Variants in GRIN2B observed in about 807,000 individuals in gnomAD.
GRIN2B encodes glutamate receptor ionotropic, NMDA 2B.
In GRIN2B, 5 loss-of-function variants were observed where a neutral mutation model predicts 114.5. The observed-to-expected ratio is 0.04, with a 90% CI of 0.02 to 0.09. The LOEUF is 0.09. GRIN2B is among the 10% of genes least tolerant of loss of function. The probability of loss-of-function intolerance (pLI) is 1.00; values close to 1 mark genes in which losing one functional copy is unlikely to be tolerated. For missense variants in GRIN2B, 1,108 were observed against 1,943.5 expected, an observed-to-expected ratio of 0.57 and a Z score of 8.08; for synonymous variants, 787 against 745.1, an observed-to-expected ratio of 1.06 and a Z score of -0.92.
intron 3 of GRIN2B, among the ~76,000 whole-genome samples, chr12:13,850,326 GA>G (rs1311227953): frequency 2.0e-5 from 3 of 152,118 alleles, no homozygotes; most frequent in Non-Finnish European, 2.9e-5. Context: ...CCATGGTACA[GA>G]AAAAAATTCC....
intron 3 of GRIN2B, among the ~76,000 whole-genome samples, chr12:13,763,467 A>G (rs927336616): frequency 1.2e-4 from 18 of 152,190 alleles, no homozygotes; most frequent in Non-Finnish European, 2.5e-4. Context: ...CAGAGCCTCC[A>G]ACTACATTGG....
At chr12:13,943,273 C>G (rs750852111) in intron 2 of GRIN2B, among the ~76,000 whole-genome samples, 1 of 152,110 alleles carries the variant, frequency 6.6e-6, no homozygotes, top group Non-Finnish European at 1.5e-5. Flanking sequence ...AAGCATTTTG[C>G]CCAGTTACAA....
At chr12:13,842,338 T>C (rs1865392815) in intron 3 of GRIN2B, among the ~76,000 whole-genome samples, 1 of 152,226 alleles carries the variant, frequency 6.6e-6, no homozygotes, top group African/African-American at 2.4e-5. Context: ...TATGCATTAT[T>C]TTTCTTAGTC....
chr12:13,932,101 C>A (rs1407540786), intron 2 of GRIN2B, among the ~76,000 whole-genome samples: 1 of 152,150 alleles, frequency 6.6e-6, no homozygotes, highest in Non-Finnish European at 1.5e-5. Flanking sequence ...TGATTCAGTT[C>A]CTATCTATCT....
intron 2 of GRIN2B, among the ~76,000 whole-genome samples, chr12:13,903,060 C>T (rs547046978): frequency 5.0e-4 from 75 of 151,094 alleles, no homozygotes; most frequent in African/African-American, 1.8e-3. Flanking sequence ...GATTTCTTAC[C>T]TCTTTATTTC....
chr12:13,742,637 G>A (rs1317778841), intron 4 of GRIN2B, among the ~76,000 whole-genome samples: 1 of 152,048 alleles, frequency 6.6e-6, no homozygotes, highest in Non-Finnish European at 1.5e-5. Context: ...CACCATGTTG[G>A]CCAGGCTGGT....
rs1950014929 is a variant in GRIN2B at position 13,670,672 on chromosome 12, AC to A, written c.1125+5072del. ...CAGCTGTCCCCCACTTAGGAGCCTTACAAATGAGCCCAGTCTGCACACAATG... is the reference window on the plus strand; with the variant it reads ...CAGCTGTCCCCCACTTAGGAGCCTTAAAATGAGCCCAGTCTGCACACAATG... On this transcript the variant is annotated intron_variant, in intron 5 of 13. Coordinates refer to ENST00000609686, the MANE Select transcript of GRIN2B (RefSeq NM_000834.5). Among the ~76,000 whole-genome samples, 4 of 152,260 alleles carry A rather than the reference AC, an allele frequency of 2.6e-5. No individual in the cohort carries two copies. The South Asian group carries it at 8.3e-4, about 32-fold the overall frequency.
rs186932084 is a variant in GRIN2B at position 13,668,077 on chromosome 12, T to C, written c.1125+7668A>G. On this transcript the variant is annotated intron_variant, in intron 5 of 13. Coordinates refer to ENST00000609686, the MANE Select transcript of GRIN2B (RefSeq NM_000834.5). ...ACAGATAACTGTCATGAAACAAAAA[T>C]CTCAATAACATTTAAATGAGATGGA... Among the ~76,000 whole-genome samples the C allele has an allele frequency of 2.6e-5, 4 of 152,240 alleles. No individual in the cohort carries two copies. The East Asian group carries it at 7.7e-4, about 29-fold the overall frequency.
chr12:13,763,812 G>A (rs1863725578), intron 3 of GRIN2B, among the ~76,000 whole-genome samples: 7 of 152,130 alleles, frequency 4.6e-5, no homozygotes, highest in Admixed American at 4.6e-4. Flanking sequence ...TACAAATTGT[G>A]TTCAGTGTTT....
intron 3 of GRIN2B, among the ~76,000 whole-genome samples, chr12:13,811,972 G>C (rs1253750219): frequency 2.0e-5 from 3 of 152,174 alleles, no homozygotes; most frequent in Non-Finnish European, 4.4e-5. Context: ...TTCGTAAGTG[G>C]ATACTTTTCC....
intron 4 of GRIN2B, among the ~76,000 whole-genome samples, chr12:13,708,341 C>A (rs910200910): frequency 6.6e-6 from 1 of 151,974 alleles, no homozygotes; most frequent in South Asian, 2.1e-4. Context: ...TGAGTTCGAC[C>A]TGAGAGATTA....
chr12:13,840,420 C>T (rs893773750), intron 3 of GRIN2B, among the ~76,000 whole-genome samples: 12 of 152,066 alleles, frequency 7.9e-5, no homozygotes, highest in Admixed American at 7.2e-4. Flanking sequence ...CCTTGTGATT[C>T]GTAGACAAAG....
intron 2 of GRIN2B, among the ~76,000 whole-genome samples, chr12:13,972,827 T>C (rs7962314): frequency 0.019 from 2,948 of 152,326 alleles, 71 homozygotes; most frequent in African/African-American, 0.065. Context: ...TGTCCCTAAA[T>C]TGCACACATT....
chr12:13,976,283 A>G (rs1336373613), intron 2 of GRIN2B, among the ~76,000 whole-genome samples: 1 of 152,118 alleles, frequency 6.6e-6, no homozygotes, highest in African/African-American at 2.4e-5. Flanking sequence ...TAGACCAGTA[A>G]CTCTTTTGAT....
At chr12:13,784,259 A>T (rs1864182735) in intron 3 of GRIN2B, among the ~76,000 whole-genome samples, 1 of 114,190 alleles carries the variant, frequency 8.8e-6, no homozygotes, top group Admixed American at 9.7e-5. Flanking sequence ...AAAAAAAAAA[A>T]TCCCTTTGCT....
chr12:13,823,544 C>G (rs1283073185), intron 3 of GRIN2B, among the ~76,000 whole-genome samples: 1 of 151,948 alleles, frequency 6.6e-6, no homozygotes, highest in Non-Finnish European at 1.5e-5. Context: ...CATCTAAGTT[C>G]TAGTGATTTT....
chr12:13,616,511 A>G lies in GRIN2B; in HGVS notation c.1272T>C (p.Pro424=). ...TGTTCCTCATGCAGGTTCCACTCAG[A>G]GGGTCCACACTTTCCACAATGACAA... ...APFVIVESVD[P]LSGTCMRNTV... is the part of the protein sequence containing the mutation. Residue 424 remains proline (P), a synonymous_variant, in exon 6 of 14, where the codon CCT becomes CCC. Transcript: ENST00000609686. 6.2e-7 allele frequency: 1 copy of G among 1,614,098 alleles called. No individual in the cohort carries two copies. The highest frequency in any genetic ancestry group is 8.5e-7 in the Non-Finnish European group (1 of 1,179,974).
intron 4 of GRIN2B, among the ~76,000 whole-genome samples, chr12:13,678,190 C>T (rs1166476483): frequency 2.0e-5 from 3 of 152,104 alleles, no homozygotes; most frequent in African/African-American, 4.8e-5. Flanking sequence ...GTTAAATGAA[C>T]GTTTAGGTGA....
At chr12:13,808,753 ATAT>A (rs759867178) in intron 3 of GRIN2B, among the ~76,000 whole-genome samples, 6,051 of 62,126 alleles carry the variant, frequency 0.097, 255 homozygotes, top group Non-Finnish European at 0.18. Context: ...TAAAAAAAAA[ATAT>A]ATATATATAT....
Sources: gnomAD v4.1 joint callset for allele counts (sites outside exome capture counted in the v4.1 genomes callset) on GRCh38, gnomAD v4.1.1 for gene constraint, MANE v1.5 for transcripts, NCBI Gene and HGNC (gene_info 2026-07-23, HGNC 2026-07-21) for gene names.